The following ABCA7 variants were observed in gnomAD, a reference collection of about 807,000 sequenced individuals.
ABCA7 encodes the protein phospholipid-transporting ATPase ABCA7.
Under a neutral mutation model 227.6 loss-of-function variants are expected in ABCA7, and 261 were observed. That is an observed-to-expected ratio of 1.15 (90% CI 1.04 to 1.27). ABCA7 has a LOEUF of 1.27. Among genes scored for constraint, ABCA7 ranks in the 50% most tolerant of loss-of-function variants. The pLI is 0.00. For missense variants in ABCA7, 3,331 were observed against 2,924.5 expected (o/e 1.14, Z -3.21); for synonymous variants, 1,488 against 1,279.7 (o/e 1.16, Z -3.47).
chr19:1,047,785 T>A (rs2040861656), intron 16 of ABCA7, 131 bp downstream of exon 16: 1 of 981,860 alleles, frequency 1.0e-6, no homozygotes, highest in East Asian at 3.2e-5. Context: ...CGGGGCTTCT[T>A]GGCACACGCA....
intron 1 of ABCA7, 98 bp from the exon 2 acceptor site, chr19:1,041,127 C>A: frequency 1.7e-6 from 1 of 592,650 alleles, no homozygotes. Context: ...CAATCAGATG[C>A]GAGGACGGCT....
At chr19:1,051,908 T>C (rs776591831) in intron 21 of ABCA7, 34 bp from the exon 22 acceptor site, 1 of 1,601,482 alleles carries the variant, frequency 6.2e-7, no homozygotes, top group South Asian at 1.1e-5. Flanking sequence ...CGCGGCGGCC[T>C]GATGGTAGTT....
Position 1,043,178 on chromosome 19 carries a change from C to T in ABCA7, c.717C>T (p.Asn239=). Residue 239 remains asparagine (N), a synonymous_variant, in exon 8 of 47, where the codon AAC becomes AAT. Transcript: ENST00000263094. ...GPSSTVGPSL[N]WYEASDLMEL... ...GCAGCACAGTGGGCCCCTCCCTCAA[C>T]TGGTACGAGGCTAGTGACCTGATGG... is the stretch of plus-strand genomic sequence containing the variant. 5 of 1,610,934 alleles carry T rather than the reference C, an allele frequency of 3.1e-6. No individual in the cohort carries two copies. Among genetic ancestry groups the T allele is most frequent in the Non-Finnish European group, 4.2e-6 (5 of 1,178,412 alleles).
In ABCA7 at chr19:1,042,393, G is replaced by T. The variant is rs759597670; in HGVS notation, c.494G>T (p.Arg165Leu). ...GCGGAGCTGCTGACGTCACTGCTGC[G>T]CACGGTAGGGTGTCGGGGCGGGACC... ...DVAELLTSLL[R>L]TESLGLALGQ... Residue 165 changes from arginine to leucine, a missense_variant, in exon 6 of 47, where the codon CGC becomes CTC. Transcript: ENST00000263094. 2 of 1,609,844 alleles carry T rather than the reference G, an allele frequency of 1.2e-6. No individual in the cohort carries two copies. The highest frequency in any genetic ancestry group is 2.2e-5 in the East Asian group (1 of 44,744).
rs531199135 is a variant in ABCA7 at position 1,054,651 on chromosome 19, C to T, written c.3808C>T (p.Arg1270Trp). 31 of 1,613,350 alleles carry T rather than the reference C, an allele frequency of 1.9e-5. No homozygotes were observed. In the East Asian group the frequency reaches 2.5e-4, roughly 13 times the overall value. The change falls in exon 28 of 47, where the codon CGG (arginine) becomes TGG (tryptophan). Residue 1270 changes from arginine (R) to tryptophan (W), a missense_variant. Transcript: ENST00000263094. This position sits in a 1 kb window ranked among gnomAD's most constrained non-coding sequence, Gnocchi z 4.8. ...VPPFGHYPAL[R>W]LSPTMYGAQV... ...TCCTTTCGGGCACTACCCGGCTCTG[C>T]GGCTCAGTCCCACCATGTACGGTGC...
Position 1,056,268 on chromosome 19 carries a change from C to T in ABCA7, c.4416+25C>T, listed in dbSNP as rs201916883. ...GGTGGGAACTGGGGGGGCAGGTGGGCGTCCTGTCACAGCAAGGTCCAACCC... is the reference window on the plus strand; with the variant it reads ...GGTGGGAACTGGGGGGGCAGGTGGGTGTCCTGTCACAGCAAGGTCCAACCC... On this transcript the variant is annotated intron_variant, in intron 32 of 46. Transcript: ENST00000263094. The surrounding 1 kb of genome is among the most constrained non-coding windows in gnomAD (Gnocchi z 4.3). 6.3e-6 allele frequency: 10 copies of T among 1,589,930 alleles called. No individual in the cohort carries two copies. The highest frequency in any genetic ancestry group is 4.5e-5 in the East Asian group (2 of 44,516).
intron 40 of ABCA7, among the ~76,000 whole-genome samples, chr19:1,061,573 T>A (rs967309140): frequency 3.4e-5 from 5 of 147,484 alleles, no homozygotes; most frequent in African/African-American, 1.3e-4. Flanking sequence ...GTGGCAGGCG[T>A]CTGTAGCCCC....
At position 1,042,158 on chromosome 19, in the gene ABCA7, A is replaced by G. The variant is rs1412954179; in HGVS notation, c.397A>G (p.Arg133Gly). 1.9e-6 allele frequency: 3 copies of G among 1,599,832 alleles called. No individual in the cohort carries two copies. In the Admixed American group the frequency reaches 5.0e-5, roughly 27 times the overall value. ...CCTAGGGAAGCTGATCGCCACGCTG[A>G]GGGCTGCACGCAGCACGGGTGAGGA... is the stretch of plus-strand genomic sequence containing the variant. ...AGLGKLIATL[R>G]AARSTAQPQP... The change falls in exon 5 of 47, where the codon AGG becomes GGG. Residue 133 changes from arginine to glycine, a missense_variant. Coordinates refer to ENST00000263094, the MANE Select transcript of ABCA7 (RefSeq NM_019112.4).
At chr19:1,062,339 C>T in intron 42 of ABCA7, 26 bp downstream of exon 42, 1 of 1,596,290 alleles carries the variant, frequency 6.3e-7, no homozygotes, top group Non-Finnish European at 8.5e-7. Context: ...CCCCACCGCT[C>T]TCACCTCCCA....
Position 1,043,786 on chromosome 19 carries a change from T to C in ABCA7, c.992T>C (p.Leu331Pro). 2 of 1,612,598 alleles carry C rather than the reference T, an allele frequency of 1.2e-6. No individual in the cohort carries two copies. Among genetic ancestry groups the C allele is most frequent in the Non-Finnish European group, 1.7e-6 (2 of 1,179,744 alleles). ...LRDVREVWEM[L>P]GPRIFTFMND... ...GATGTCCGGGAGGTGTGGGAGATGCTGGGACCCCGGATCTTCACCTTCATG... is the reference window on the plus strand; with the variant it reads ...GATGTCCGGGAGGTGTGGGAGATGCCGGGACCCCGGATCTTCACCTTCATG... The change falls in exon 10 of 47, where the codon CTG becomes CCG. Residue 331 changes from leucine to proline, a missense_variant. Transcript: ENST00000263094.
chr19:1,050,084 A>G (rs1005023977), intron 18 of ABCA7, among the ~76,000 whole-genome samples: 54 of 147,070 alleles, frequency 3.7e-4, no homozygotes, highest in Non-Finnish European at 5.3e-4. Flanking sequence ...GCGCCACTGC[A>G]CTCCAGCTTG....
In ABCA7 at chr19:1,058,217, G is replaced by T. The variant is rs766401645; in HGVS notation, c.5097G>T (p.Gly1699=). The T allele has an allele frequency of 1.2e-6, 2 of 1,613,648 alleles. No homozygotes were observed. The highest frequency in any genetic ancestry group is 2.2e-5 in the South Asian group (2 of 91,068). The part of the protein sequence containing the change: ...LIFPHFCLGR[G]LIDMVRNQAM... ...TCCCCCACTTCTGCTTGGGCCGGGG[G>T]CTCATTGACATGGTGCGGAACCAGG... Residue 1699 remains glycine, a synonymous_variant, in exon 37 of 47, where the codon GGG becomes GGT. Coordinates refer to ENST00000263094, the MANE Select transcript of ABCA7 (RefSeq NM_019112.4).
At position 1,056,019 on chromosome 19, in the gene ABCA7, GC is replaced by G. The variant is rs3833881; in HGVS notation, c.4239-40del. The G allele has an allele frequency of 0.45, 699,866 of 1,551,758 alleles. 162,752 individuals carry two copies. Among genetic ancestry groups the G allele is most frequent in the African/African-American group, 0.75 (55,036 of 73,268 alleles). ...TGCCTGCCCCCTGGGAGCTCTCCCG[GC>G]CCCCCCGGCCCTCAGCTCCCCTTCC... On this transcript the variant is annotated intron_variant, in intron 31 of 46. Coordinates refer to ENST00000263094, the MANE Select transcript of ABCA7 (RefSeq NM_019112.4). The surrounding 1 kb of genome is among the most constrained non-coding windows in gnomAD (Gnocchi z 4.3).
Position 1,054,716 on chromosome 19 carries a change from T to A in ABCA7, c.3851+22T>A. The A allele has an allele frequency of 6.2e-7, 1 of 1,609,060 alleles. No individual in the cohort carries two copies. The highest frequency in any genetic ancestry group is 8.5e-7 in the Non-Finnish European group (1 of 1,176,466). ...TCAGGTGGGTGCAGAAGGAAGGGGC[T>A]GGTGGCAGGAAGACTAGGGACCTGG... On this transcript the variant is annotated intron_variant, in intron 28 of 46. Coordinates refer to ENST00000263094, the MANE Select transcript of ABCA7 (RefSeq NM_019112.4). The surrounding 1 kb of genome is among the most constrained non-coding windows in gnomAD (Gnocchi z 4.8).
intron 17 of ABCA7, 107 bp downstream of exon 17, chr19:1,049,112 C>T: frequency 9.8e-7 from 1 of 1,022,526 alleles, no homozygotes; most frequent in South Asian, 1.6e-5. Flanking sequence ...CCCCAACCCT[C>T]ACACCTGCCC....
chr19:1,065,411 G>C lies in ABCA7; in HGVS notation c.6427G>C (p.Glu2143Gln), dbSNP rs776164309. 1.2e-6 allele frequency: 2 copies of C among 1,613,334 alleles called. No individual in the cohort carries two copies. Among genetic ancestry groups the C allele is most frequent in the East Asian group, 2.2e-5 (1 of 44,882 alleles). ...GTTCCTCGATGACCCTAGCACTGCC[G>C]AGACTGTGCTCTGAGCCTCCCTCCC... ...SQFLDDPSTA[E>Q]TVL Residue 2143 changes from glutamate to glutamine, a missense_variant, in exon 47 of 47, where the codon GAG becomes CAG. By Grantham distance (29) the Glu-to-Gln change is conservative. Transcript: ENST00000263094.
Position 1,047,512 on chromosome 19 carries a change from GC to G in ABCA7, c.2128del (p.Gln710ArgfsTer87). The G allele has an allele frequency of 6.3e-7, 1 of 1,579,444 alleles. No individual in the cohort carries two copies. The highest frequency in any genetic ancestry group is 8.6e-7 in the Non-Finnish European group (1 of 1,165,452). Reference sequence around the variant, plus strand: ...GCGAGAGCCTGGCTCTGCTGGAGGAGCAGGGCGAGGGCGCGCAGTGGCACAA... The same window carrying G: ...GCGAGAGCCTGGCTCTGCTGGAGGAGAGGGCGAGGGCGCGCAGTGGCACAA... The part of the protein sequence containing the change: ...GCESLALLEE[Q>X]GEGAQWHNVG... On this transcript the variant is annotated frameshift_variant, in exon 16 of 47. Coordinates refer to ENST00000263094, the MANE Select transcript of ABCA7 (RefSeq NM_019112.4). LOFTEE classifies it high-confidence loss of function.
Position 1,056,400 on chromosome 19 carries a change from G to T in ABCA7, c.4487G>T (p.Arg1496Leu). 1 of 1,613,274 alleles carries T rather than the reference G, an allele frequency of 6.2e-7. No individual in the cohort carries two copies. Among genetic ancestry groups the T allele is most frequent in the Non-Finnish European group, 8.5e-7 (1 of 1,179,942 alleles). Residue 1496 changes from arginine to leucine, a missense_variant, in exon 33 of 47, where the codon CGT (arginine) becomes CTT (leucine). Transcript: ENST00000263094. This position sits in a 1 kb window ranked among gnomAD's most constrained non-coding sequence, Gnocchi z 4.3. ...FVNRASNAIL[R>L]AHLPPGPARH... is the part of the protein sequence containing the mutation. ...AACCGAGCCAGCAACGCAATCCTCC[G>T]TGCTCACCTGCCCCCAGGCCCGGCC...
In ABCA7 at chr19:1,065,038, A is replaced by T. The variant is rs757847641; in HGVS notation, c.6152A>T (p.His2051Leu). 9.6e-6 allele frequency: 15 copies of T among 1,557,806 alleles called. No individual in the cohort carries two copies. The highest frequency in any genetic ancestry group is 1.1e-5 in the Non-Finnish European group (13 of 1,152,924). ...EFPGAELREA[H>L]GGRLRFQLPP... Reference sequence around the variant, plus strand: ...CCTGGGGCGGAGCTGCGCGAGGCACATGGAGGCCGCCTGCGCTTCCAGCTG... The same window carrying T: ...CCTGGGGCGGAGCTGCGCGAGGCACTTGGAGGCCGCCTGCGCTTCCAGCTG... The change falls in exon 46 of 47, where the codon CAT becomes CTT. Residue 2051 changes from histidine to leucine, a missense_variant. Physicochemically the swap from His to Leu is moderately conservative, Grantham distance 99 (BLOSUM62 -3). Transcript: ENST00000263094.
Sources: allele counts gnomAD v4.1 joint callset (sites outside exome capture counted in the v4.1 genomes callset), GRCh38; gene constraint gnomAD v4.1.1; non-coding constraint Gnocchi (gnomAD v3.1); transcripts MANE v1.5; gene names NCBI Gene and HGNC (gene_info 2026-07-23, HGNC 2026-07-21).